Variants in TAB2 observed in about 807,000 individuals in gnomAD.
The protein encoded by TAB2 is TGF-beta-activated kinase 1 and MAP3K7-binding protein 2.
In TAB2, 3 loss-of-function variants were observed where a neutral mutation model predicts 65.0. That is an observed-to-expected ratio of 0.05 (90% CI 0.02 to 0.12). The LOEUF is 0.12. TAB2 is among the 10% of genes least tolerant of loss of function. The pLI is 1.00. For missense variants in TAB2, 623 were observed against 840.3 expected (o/e 0.74, Z 3.20); for synonymous variants, 298 against 285.1 (o/e 1.05, Z -0.46).
chr6:149,314,863 ATC>A (rs1193237437), upstream of TAB2, among the ~76,000 whole-genome samples: 2 of 137,188 alleles, frequency 1.5e-5, no homozygotes, highest in African/African-American at 5.0e-5. Context: ...CAGGAACTAT[ATC>A]TTTTTTTTTT....
upstream of TAB2, among the ~76,000 whole-genome samples, chr6:149,314,073 T>C (rs1475387829): frequency 1.3e-5 from 2 of 152,208 alleles, no homozygotes; most frequent in African/African-American, 4.8e-5. Context: ...CTATGCTACT[T>C]TGGAATTTCC....
intron 1 of TAB2, among the ~76,000 whole-genome samples, chr6:149,295,683 T>C (rs986838376): frequency 1.3e-5 from 2 of 152,240 alleles, no homozygotes; most frequent in Non-Finnish European, 2.9e-5. Context: ...AGTTATGCTT[T>C]TAATTTGCTT....
chr6:149,358,050 A>G (rs1049270641), intron 1 of TAB2, among the ~76,000 whole-genome samples: 2 of 152,164 alleles, frequency 1.3e-5, no homozygotes, highest in Non-Finnish European at 2.9e-5. Flanking sequence ...GTAAGTTCCT[A>G]GAAGTGAAAT....
intron 3 of TAB2, among the ~76,000 whole-genome samples, chr6:149,390,400 C>T (rs1221682711): frequency 6.6e-6 from 1 of 152,126 alleles, no homozygotes; most frequent in Admixed American, 6.5e-5. Context: ...CTACAAGTCC[C>T]TAGTATATTT....
At chr6:149,262,283 A>G (rs1778168835) in intron 1 of TAB2, among the ~76,000 whole-genome samples, 1 of 152,198 alleles carries the variant, frequency 6.6e-6, no homozygotes. Flanking sequence ...CTGTAATCCC[A>G]ACACTTTGGG....
chr6:149,386,279 ATTATT>A (rs533513398), intron 3 of TAB2, among the ~76,000 whole-genome samples: 279 of 152,348 alleles, frequency 1.8e-3, no homozygotes, highest in Middle Eastern at 0.01. Flanking sequence ...ATGTTTAGTC[ATTATT>A]TTAACAGCTT....
chr6:149,368,711 A>G (rs1018373500), intron 1 of TAB2, among the ~76,000 whole-genome samples: 1 of 151,698 alleles, frequency 6.6e-6, no homozygotes, highest in Non-Finnish European at 1.5e-5. Context: ...AAAATCTACA[A>G]TGCAAATAAC....
chr6:149,240,341 T>C (rs1777574791), intron 1 of TAB2, among the ~76,000 whole-genome samples: 1 of 152,136 alleles, frequency 6.6e-6, no homozygotes, highest in Non-Finnish European at 1.5e-5. Context: ...GGCCACCTCC[T>C]GCCGTGGTGG....
intron 2 of TAB2, among the ~76,000 whole-genome samples, chr6:149,371,222 C>T (rs971873685): frequency 7.2e-5 from 11 of 152,102 alleles, no homozygotes; most frequent in African/African-American, 2.7e-4. Flanking sequence ...ACCATTATCA[C>T]CTTTTAATTG....
chr6:149,312,200 G>A (rs1779177147), intron 1 of TAB2, among the ~76,000 whole-genome samples: 1 of 152,128 alleles, frequency 6.6e-6, no homozygotes, highest in Admixed American at 6.5e-5. Context: ...CCCCACAGTG[G>A]CATCACACAA....
intron 1 of TAB2, among the ~76,000 whole-genome samples, chr6:149,229,106 T>A (rs1371666188): frequency 6.6e-6 from 1 of 152,130 alleles, no homozygotes; most frequent in African/African-American, 2.4e-5. Context: ...ATTAGAAGAA[T>A]AAAGCTCAAA....
chr6:149,357,135 T>C (rs1780677769), intron 1 of TAB2, among the ~76,000 whole-genome samples: 3 of 152,030 alleles, frequency 2.0e-5, no homozygotes, highest in Admixed American at 1.3e-4. Flanking sequence ...TGAAACATTT[T>C]AGCCGGGTGC....
upstream of TAB2, among the ~76,000 whole-genome samples, chr6:149,317,030 G>A (rs1000281711): frequency 9.3e-5 from 14 of 150,154 alleles, no homozygotes; most frequent in African/African-American, 3.2e-4. This position sits in a 1 kb window ranked among gnomAD's most constrained non-coding sequence, Gnocchi z 4.7. Flanking sequence ...GGCCGCCGCA[G>A]CGCCCCGGGG....
intron 3 of TAB2, chr6:149,379,823 G>A: frequency 2.2e-6 from 1 of 451,156 alleles, no homozygotes; most frequent in Non-Finnish European, 4.4e-6. Context: ...CTGTGGTGAT[G>A]CTGACTTTCT....
chr6:149,270,646 A>G (rs932794827), intron 1 of TAB2, among the ~76,000 whole-genome samples: 21 of 152,338 alleles, frequency 1.4e-4, no homozygotes, highest in South Asian at 1.2e-3. Flanking sequence ...TTACTTGTCA[A>G]TTTAAAAAGT....
rs147486689 is a variant in TAB2, at chr6:149,288,607, A to G, written c.-121+69831A>G. On this transcript the variant is annotated intron_variant, in intron 1 of 1. Transcript: ENST00000606202. ...TCCAATTAGTGAAAAGCTTAACTCC[A>G]GAACACTTCTCAAATACTGCAATTG... 3.4e-3 allele frequency among the ~76,000 whole-genome samples: 516 copies of G among 152,338 alleles called. 7 individuals carry two copies. Among genetic ancestry groups the G allele is most frequent in the African/African-American group, 0.011 (463 of 41,582 alleles).
At chr6:149,242,090 T>A (rs1324059580) in intron 1 of TAB2, among the ~76,000 whole-genome samples, 2 of 152,198 alleles carry the variant, frequency 1.3e-5, no homozygotes, top group East Asian at 3.9e-4. Flanking sequence ...AGGATATGGA[T>A]GTCACTGCTC....
At chr6:149,270,876 G>A (rs148416119) in intron 1 of TAB2, among the ~76,000 whole-genome samples, 1 of 152,240 alleles carries the variant, frequency 6.6e-6, no homozygotes, top group Non-Finnish European at 1.5e-5. Context: ...CATAGAGGAG[G>A]TACTGTCTTG....
chr6:149,399,267 C>G (rs1247334377), intron 6 of TAB2, 83 bp downstream of exon 6: 2 of 987,690 alleles, frequency 2.0e-6, no homozygotes, highest in African/African-American at 3.2e-5. Context: ...CAACCTTCCT[C>G]TCTAGAATTG....
Sources: gnomAD v4.1 joint callset for allele counts (sites outside exome capture counted in the v4.1 genomes callset) on GRCh38, gnomAD v4.1.1 for gene constraint, Gnocchi (gnomAD v3.1) non-coding constraint, MANE v1.5 for transcripts, NCBI Gene and HGNC (gene_info 2026-07-23, HGNC 2026-07-21) for gene names.